CLTCL1: variants seen among roughly 807,000 people sequenced by gnomAD.
CLTCL1 encodes clathrin heavy chain like 1, also known as clathrin heavy chain 2.
Under a neutral mutation model 190.0 loss-of-function variants are expected in CLTCL1, and 159 were observed. That is an observed-to-expected ratio of 0.84 (90% CI 0.74 to 0.95). The LOEUF (loss-of-function observed/expected upper bound fraction) is 0.95. CLTCL1 is among the 40% of genes least tolerant of loss of function. CLTCL1 has a pLI of 0.00. For synonymous variants in CLTCL1, 752 were observed against 769.6 expected, an observed-to-expected ratio of 0.98 and a Z score of 0.38; for missense variants, 1,878 against 2,033.4, an observed-to-expected ratio of 0.92 and a Z score of 1.47.
At chr22:19,260,930 G>GAA (rs34432357) in intron 2 of CLTCL1, among the ~76,000 whole-genome samples, 2 of 139,052 alleles carry the variant, frequency 1.4e-5, no homozygotes, top group Admixed American at 7.3e-5. Flanking sequence ...CTACTGATCA[G>GAA]AAAAAAAAAA....
intron 3 of CLTCL1, among the ~76,000 whole-genome samples, chr22:19,251,202 A>C (rs2086579683): frequency 7.0e-6 from 1 of 142,802 alleles, no homozygotes; most frequent in African/African-American, 2.7e-5. Context: ...AATTAAATTT[A>C]CCTCTAAGTA....
intron 18 of CLTCL1, among the ~76,000 whole-genome samples, chr22:19,219,426 C>T (rs2085496181): frequency 6.6e-6 from 1 of 151,504 alleles, no homozygotes; most frequent in Non-Finnish European, 1.5e-5. Flanking sequence ...CTCAAGTCAT[C>T]CACCCGCCTC....
At chr22:19,232,908 T>C (rs1312064514) in intron 9 of CLTCL1, 8 of 558,326 alleles carry the variant, frequency 1.4e-5, no homozygotes, top group Non-Finnish European at 2.5e-5. Context: ...CAAATTAACA[T>C]ACAGAAGGAA....
At chr22:19,267,732 A>C (rs2087164680) in intron 2 of CLTCL1, among the ~76,000 whole-genome samples, 1 of 152,004 alleles carries the variant, frequency 6.6e-6, no homozygotes, top group Non-Finnish European at 1.5e-5. Context: ...CATCTCTACT[A>C]AGCATACAAA....
chr22:19,221,488 T>C lies in CLTCL1; in HGVS notation c.2685A>G (p.Arg895=). 2 of 1,598,292 alleles carry C rather than the reference T, an allele frequency of 1.3e-6. No individual in the cohort carries two copies. Among genetic ancestry groups the C allele is most frequent in the Non-Finnish European group, 8.5e-7 (1 of 1,172,178 alleles). The change falls in exon 17 of 33, where the codon AGA becomes AGG. Residue 895 remains arginine (R), a synonymous_variant. Coordinates refer to ENST00000427926, the MANE Select transcript of CLTCL1 (RefSeq NM_007098.4). Reference sequence around the variant, plus strand: ...CGCTGCTGTCATAGTAGGCATTCTCTCTCAGGAAGCACTCGGGGCTGTTGT... The same window carrying C: ...CGCTGCTGTCATAGTAGGCATTCTCCCTCAGGAAGCACTCGGGGCTGTTGT... ...DSNNSPECFL[R]ENAYYDSSVV...
At chr22:19,258,075 T>C (rs1555973639) in intron 2 of CLTCL1, 3 of 439,894 alleles carry the variant, frequency 6.8e-6, no homozygotes, top group African/African-American at 2.0e-5. Context: ...ATCCATGGGC[T>C]CTGCAAGGTC....
intron 2 of CLTCL1, among the ~76,000 whole-genome samples, chr22:19,270,255 T>C (rs1555979947): frequency 6.6e-6 from 1 of 152,144 alleles, no homozygotes; most frequent in Non-Finnish European, 1.5e-5. Context: ...TTATTTGAAT[T>C]GTCTACAAGA....
chr22:19,232,601 A>G lies in CLTCL1; in HGVS notation c.1522-3T>C, dbSNP rs1188091278. ...ATCCAGTCTGGGGTGTACCCAACCT[A>G]GAAGCAAGGGAGCACCAATCAGGAA... On this transcript the variant is annotated splice_region_variant and splice_polypyrimidine_tract_variant and intron_variant, in intron 9 of 32. Transcript: ENST00000427926. The G allele has an allele frequency of 9.3e-6, 15 of 1,610,882 alleles. No individual in the cohort carries two copies. Among genetic ancestry groups the G allele is most frequent in the Non-Finnish European group, 1.1e-5 (13 of 1,178,466 alleles).
At chr22:19,185,890 C>A (rs1479533274) in intron 29 of CLTCL1, among the ~76,000 whole-genome samples, 2 of 152,240 alleles carry the variant, frequency 1.3e-5, no homozygotes, top group African/African-American at 2.4e-5. Context: ...CTCCCAGCAG[C>A]CAGGTCCAGA....
intron 18 of CLTCL1, among the ~76,000 whole-genome samples, chr22:19,219,356 C>T (rs935228361): frequency 2.7e-5 from 4 of 150,806 alleles, no homozygotes; most frequent in Admixed American, 6.6e-5. Context: ...AGTGTGTTTT[C>T]GTATTTTTAG....
In CLTCL1 at chr22:19,216,110, C is replaced by T; in HGVS notation, c.3065+1G>A. 6.2e-7 allele frequency: 1 copy of T among 1,613,486 alleles called. No homozygotes were observed. The highest frequency in any genetic ancestry group is 8.5e-7 in the Non-Finnish European group (1 of 1,179,594). On this transcript the variant is annotated splice_donor_variant, in intron 19 of 32. Transcript: ENST00000427926. LOFTEE classifies it high-confidence loss of function. ...CACAGCTACCCCTGGCATAGCCTCACCTGTGCTCGCTGAAGACAGAGTTAT... is the reference window on the plus strand; with the variant it reads ...CACAGCTACCCCTGGCATAGCCTCATCTGTGCTCGCTGAAGACAGAGTTAT...
intron 3 of CLTCL1, among the ~76,000 whole-genome samples, chr22:19,253,008 C>A (rs1425106272): frequency 7.4e-6 from 1 of 135,296 alleles, no homozygotes; most frequent in Non-Finnish European, 1.6e-5. Context: ...AGTAAGACTC[C>A]GTCTCAAAAA....
chr22:19,249,432 T>A (rs1359661782), intron 3 of CLTCL1, among the ~76,000 whole-genome samples: 1 of 152,180 alleles, frequency 6.6e-6, no homozygotes, highest in Admixed American at 6.5e-5. Flanking sequence ...ACTCTACTGA[T>A]ATTATTTTGA....
At chr22:19,183,277 G>GA in intron 30 of CLTCL1, 113 bp downstream of exon 30, 1 of 851,832 alleles carries the variant, frequency 1.2e-6, no homozygotes, top group Non-Finnish European at 1.9e-6. Flanking sequence ...GCTGGCTGGG[G>GA]AATCTGGGTT....
intron 2 of CLTCL1, among the ~76,000 whole-genome samples, chr22:19,275,175 G>A (rs1213251915): frequency 6.6e-6 from 1 of 152,160 alleles, no homozygotes; most frequent in Non-Finnish European, 1.5e-5. Context: ...AAGCACCCAA[G>A]ACTCCCTGAT....
At chr22:19,220,342 TG>T (rs1555951677) in intron 17 of CLTCL1, among the ~76,000 whole-genome samples, 2 of 152,194 alleles carry the variant, frequency 1.3e-5, no homozygotes, top group African/African-American at 4.8e-5. Context: ...GCCCTTGAAA[TG>T]TGGTGCGTGA....
chr22:19,211,401 AT>A (rs1373094320), intron 19 of CLTCL1, among the ~76,000 whole-genome samples: 1 of 152,188 alleles, frequency 6.6e-6, no homozygotes, highest in Non-Finnish European at 1.5e-5. Context: ...TGGTTAAGGC[AT>A]TTAGGCAACA....
intron 13 of CLTCL1, among the ~76,000 whole-genome samples, chr22:19,224,738 G>C (rs938551286): frequency 6.6e-6 from 1 of 152,096 alleles, no homozygotes; most frequent in East Asian, 1.9e-4. Context: ...CCACTCAATC[G>C]TCTGCCATGG....
At chr22:19,247,324 T>C (rs1180717149) in intron 3 of CLTCL1, among the ~76,000 whole-genome samples, 1 of 150,382 alleles carries the variant, frequency 6.6e-6, no homozygotes, top group African/African-American at 2.4e-5. Flanking sequence ...GGTGTATTCC[T>C]GGACCTTACA....
Sources: allele counts gnomAD v4.1 joint callset (sites outside exome capture counted in the v4.1 genomes callset), GRCh38; gene constraint gnomAD v4.1.1; transcripts MANE v1.5; gene names NCBI Gene and HGNC (gene_info 2026-07-23, HGNC 2026-07-21).